Variants in RYR3 observed in about 807,000 individuals in gnomAD.
RYR3 encodes the protein brain ryanodine receptor-calcium release channel.
Under a neutral mutation model 584.3 loss-of-function variants are expected in RYR3, and 207 were observed. The ratio of observed to expected loss-of-function variants is 0.35; its 90% CI spans 0.32 to 0.40. RYR3 has a LOEUF of 0.40. Ranked by LOEUF, RYR3 falls within the 10% of genes least tolerant of loss-of-function variation. The probability of loss-of-function intolerance (pLI) is 1.00; values close to 1 mark genes in which losing one functional copy is unlikely to be tolerated. For synonymous variants in RYR3, 2,416 were observed against 2,248.5 expected (o/e 1.07, Z -2.11); for missense variants, 5,616 against 6,089.2 (o/e 0.92, Z 2.59).
intron 84 of RYR3, 108 bp from the exon 85 acceptor site, chr15:33,827,091 T>C: frequency 1.1e-6 from 1 of 942,270 alleles, no homozygotes; most frequent in South Asian, 1.4e-5. Context: ...CATGGTATTC[T>C]TGTAAGCCTT....
chr15:33,519,246 C>T (rs2053783139), intron 3 of RYR3, among the ~76,000 whole-genome samples: 1 of 152,134 alleles, frequency 6.6e-6, no homozygotes, highest in African/African-American at 2.4e-5. Context: ...TATCTACAGT[C>T]TTCACCACAC....
At chr15:33,674,608 AG>A (rs1185077291) in intron 38 of RYR3, among the ~76,000 whole-genome samples, 3 of 152,174 alleles carry the variant, frequency 2.0e-5, no homozygotes, top group Non-Finnish European at 4.4e-5. Context: ...AGAAGAAAAC[AG>A]GGACCTTTCA....
In RYR3 at chr15:33,828,945, C is replaced by T. The variant is rs562120956; in HGVS notation, c.11334+1658C>T. Among the ~76,000 whole-genome samples, 8 of 152,322 alleles carry T rather than the reference C, an allele frequency of 5.3e-5. No homozygotes were observed. In the East Asian group the frequency reaches 1.2e-3, roughly 22 times the overall value. The stretch of plus-strand genomic sequence containing the variant: ...GAGAGGACAAGCCAATACCTCACTT[C>T]AGAGCTTCAAAGGACAGGCTGACTT... On this transcript the variant is annotated intron_variant, in intron 85 of 103. Coordinates refer to ENST00000634891, the MANE Select transcript of RYR3 (RefSeq NM_001036.6).
At position 33,792,241 on chromosome 15, in the gene RYR3, A is replaced by G. The variant is rs2075204102; in HGVS notation, c.9830+3783A>G. Among the ~76,000 whole-genome samples the G allele has an allele frequency of 2.6e-5, 4 of 152,196 alleles. No individual in the cohort carries two copies. In the South Asian group the frequency reaches 8.3e-4, roughly 32 times the overall value. The stretch of plus-strand genomic sequence containing the variant: ...AACTGGAGACTTTCGGAGACACTTC[A>G]TGGTGTGTGTCTCTGTTCTGATATC... On this transcript the variant is annotated intron_variant, in intron 67 of 103. Transcript: ENST00000634891.
intron 17 of RYR3, 106 bp from the exon 18 acceptor site, chr15:33,603,017 C>T (rs1595789984): frequency 1.7e-6 from 2 of 1,186,964 alleles, no homozygotes; most frequent in East Asian, 2.3e-5. Context: ...CACAGCATTG[C>T]TCTTGTCCTA....
At chr15:33,321,293 A>G (rs1453776693) in intron 1 of RYR3, among the ~76,000 whole-genome samples, 1 of 152,186 alleles carries the variant, frequency 6.6e-6, no homozygotes, top group African/African-American at 2.4e-5. Context: ...ATATCCAAGG[A>G]TACAAAGCAT....
intron 88 of RYR3, 151 bp from the exon 89 acceptor site, chr15:33,837,480 T>A: frequency 1.2e-6 from 1 of 819,718 alleles, no homozygotes; most frequent in Non-Finnish European, 1.9e-6. Context: ...GGTGTAGTCT[T>A]TATGGCTTGC....
intron 13 of RYR3, among the ~76,000 whole-genome samples, chr15:33,581,281 C>T (rs1003409396): frequency 6.6e-6 from 1 of 152,116 alleles, no homozygotes; most frequent in African/African-American, 2.4e-5. Context: ...TCAGAGGAGG[C>T]TGCTGACTCA....
chr15:33,861,696 C>T (rs904763106), intron 102 of RYR3, among the ~76,000 whole-genome samples: 1 of 152,306 alleles, frequency 6.6e-6, no homozygotes, highest in Admixed American at 6.5e-5. Flanking sequence ...GGGCCTGTAA[C>T]CTGCATGTTG....
In RYR3 at chr15:33,788,416, A is replaced by C; in HGVS notation, c.9788A>C (p.Tyr3263Ser). 1 of 1,613,924 alleles carries C rather than the reference A, an allele frequency of 6.2e-7. No homozygotes were observed. The highest frequency in any genetic ancestry group is 8.5e-7 in the Non-Finnish European group (1 of 1,179,816). ...DEFAVLCRDL[Y>S]AFYPMLIRYV... The stretch of plus-strand genomic sequence containing the variant: ...TTCGCGGTCCTCTGCAGAGATCTCT[A>C]TGCCTTCTACCCCATGCTGATCCGC... The change falls in exon 67 of 104, where the codon TAT (tyrosine) becomes TCT (serine). Residue 3263 changes from tyrosine (Y) to serine (S), a missense_variant. By Grantham distance (144) the Tyr-to-Ser change is moderately radical. Coordinates refer to ENST00000634891, the MANE Select transcript of RYR3 (RefSeq NM_001036.6).
intron 75 of RYR3, among the ~76,000 whole-genome samples, chr15:33,817,549 C>T (rs929598239): frequency 1.3e-5 from 2 of 152,176 alleles, no homozygotes; most frequent in Non-Finnish European, 1.5e-5. Flanking sequence ...CCTTCTCCCA[C>T]GAACCTTTTT....
intron 1 of RYR3, among the ~76,000 whole-genome samples, chr15:33,406,005 T>A (rs2042991697): frequency 6.6e-6 from 1 of 152,232 alleles, no homozygotes; most frequent in Non-Finnish European, 1.5e-5. Context: ...GGACTCTCAG[T>A]GGCTCTGCTT....
At chr15:33,715,175 A>G (rs954168954) in intron 43 of RYR3, among the ~76,000 whole-genome samples, 1 of 152,210 alleles carries the variant, frequency 6.6e-6, no homozygotes, top group Non-Finnish European at 1.5e-5. Context: ...TTTGAAGGGC[A>G]TACAAGGTGT....
chr15:33,726,586 T>C (rs2068478741), intron 46 of RYR3, 80 bp downstream of exon 46: 1 of 1,439,172 alleles, frequency 6.9e-7, no homozygotes, highest in East Asian at 2.6e-5. Context: ...CCCAGCACAG[T>C]GGCCCCCAGG....
At chr15:33,837,082 C>T (rs1454212560) in intron 88 of RYR3, 95 bp downstream of exon 88, 36 of 1,023,356 alleles carry the variant, frequency 3.5e-5, no homozygotes, top group Non-Finnish European at 5.0e-5. Context: ...TGGCAGGTCA[C>T]TGATGCCATA....
intron 23 of RYR3, among the ~76,000 whole-genome samples, chr15:33,632,230 A>T (rs1215987644): frequency 2.0e-5 from 3 of 152,218 alleles, no homozygotes; most frequent in African/African-American, 7.2e-5. Context: ...CTAGGCAGTC[A>T]ATGGCCCTAG....
At position 33,588,418 on chromosome 15, in the gene RYR3, A is replaced by C. The variant is rs141594427; in HGVS notation, c.1788+2302A>C. Among the ~76,000 whole-genome samples, 203 of 152,234 alleles carry C rather than the reference A, an allele frequency of 1.3e-3. 3 individuals carry two copies. The highest frequency in any genetic ancestry group is 9.1e-4 in the African/African-American group (38 of 41,538). On this transcript the variant is annotated intron_variant, in intron 16 of 103. Transcript: ENST00000634891. Reference sequence around the variant, plus strand: ...AGTTTTATAATTATCTAAATACAAAACTTTTGCAGTGAAAAATTCACCCTA... The same window carrying C: ...AGTTTTATAATTATCTAAATACAAACCTTTTGCAGTGAAAAATTCACCCTA...
intron 3 of RYR3, among the ~76,000 whole-genome samples, chr15:33,517,004 T>C (rs2053578696): frequency 6.6e-6 from 1 of 152,218 alleles, no homozygotes; most frequent in South Asian, 2.1e-4. Context: ...ATTATTATTA[T>C]TTTTTGAGAT....
At position 33,631,279 on chromosome 15, in the gene RYR3, C is replaced by A; in HGVS notation, c.2853C>A (p.Val951=). Residue 951 remains valine (V), a synonymous_variant, in exon 23 of 104, where the codon GTC becomes GTA. Transcript: ENST00000634891. ...CTGCTGAGGAGGATCTCAAGAAGGT[C>A]AAACTGCCCAAAAAGTAGGTGATTT... ...NPAAEEDLKK[V]KLPKNYMMSN... 1 of 1,580,846 alleles carries A rather than the reference C, an allele frequency of 6.3e-7. No homozygotes were observed. Among genetic ancestry groups the A allele is most frequent in the South Asian group, 1.2e-5 (1 of 85,946 alleles).
Sources: allele counts gnomAD v4.1 joint callset (sites outside exome capture counted in the v4.1 genomes callset), GRCh38; gene constraint gnomAD v4.1.1; transcripts MANE v1.5; gene names NCBI Gene and HGNC (gene_info 2026-07-23, HGNC 2026-07-21).